Variants in PIK3C2G observed in about 807,000 individuals in gnomAD.
PIK3C2G encodes the protein phosphatidylinositol-4-phosphate 3-kinase catalytic subunit type 2 gamma.
In PIK3C2G, 168 loss-of-function variants were observed where a neutral mutation model predicts 181.1. The ratio of observed to expected loss-of-function variants is 0.93; its 90% CI spans 0.82 to 1.05. The LOEUF (loss-of-function observed/expected upper bound fraction) is 1.05, where lower values mean the gene tolerates loss of function less well. Among genes scored for constraint, PIK3C2G ranks in the 50% least tolerant of loss-of-function variants. The probability of loss-of-function intolerance (pLI) is 0.00; values close to 1 mark genes in which losing one functional copy is unlikely to be tolerated. For missense variants in PIK3C2G, 1,869 were observed against 1,732.8 expected (o/e 1.08, Z -1.40); for synonymous variants, 573 against 592.2 (o/e 0.97, Z 0.47).
At chr12:18,665,787 T>C in the PIK3C2G span, among the ~76,000 whole-genome samples, 33 of 151,888 alleles carry the variant, frequency 2.2e-4, no homozygotes, top group Non-Finnish European at 4.1e-4. Context: ...TACAAAAAAT[T>C]AGCCAGGCGT....
chr12:18,300,860 C>T (rs1441998811), intron 5 of PIK3C2G, among the ~76,000 whole-genome samples: 1 of 151,978 alleles, frequency 6.6e-6, no homozygotes, highest in African/African-American at 2.4e-5. Flanking sequence ...GTAGGCTTTC[C>T]TTAAGCATTT....
intron 29 of PIK3C2G, among the ~76,000 whole-genome samples, chr12:18,567,565 A>G (rs1434137769): frequency 6.6e-6 from 1 of 151,940 alleles, no homozygotes; most frequent in East Asian, 1.9e-4. Flanking sequence ...TAAATGGACT[A>G]TCAGTGCCGT....
chr12:18,577,161 T>C (rs922422730), intron 29 of PIK3C2G, among the ~76,000 whole-genome samples: 2 of 152,080 alleles, frequency 1.3e-5, no homozygotes, highest in Non-Finnish European at 2.9e-5. Flanking sequence ...TGGGTTAAGA[T>C]AGAAGTATTA....
At chr12:18,393,762 G>C (rs1262984341) in intron 15 of PIK3C2G, among the ~76,000 whole-genome samples, 1 of 152,094 alleles carries the variant, frequency 6.6e-6, no homozygotes, top group Non-Finnish European at 1.5e-5. Context: ...TAAGCCTTGG[G>C]ATTAAAGTGG....
At chr12:18,405,351 G>A (rs1031062874) in intron 16 of PIK3C2G, among the ~76,000 whole-genome samples, 2 of 152,090 alleles carry the variant, frequency 1.3e-5, no homozygotes, top group Admixed American at 1.3e-4. Context: ...TAGAGAGGAA[G>A]TATAGAAAGA....
At chr12:18,532,594 C>A (rs1247553887) in intron 24 of PIK3C2G, among the ~76,000 whole-genome samples, 2 of 151,270 alleles carry the variant, frequency 1.3e-5, no homozygotes, top group African/African-American at 4.9e-5. Context: ...CACTGAATTA[C>A]TTTTACAACT....
the PIK3C2G span, among the ~76,000 whole-genome samples, chr12:18,711,728 A>G: frequency 6.6e-6 from 1 of 151,966 alleles, no homozygotes; most frequent in Non-Finnish European, 1.5e-5. Context: ...AGGGAGCTCA[A>G]TTTTAAACAT....
chr12:18,346,599 T>C (rs1183666506), intron 10 of PIK3C2G, 42 bp from the exon 11 acceptor site: 3 of 1,147,014 alleles, frequency 2.6e-6, no homozygotes, highest in Non-Finnish European at 2.6e-6. Flanking sequence ...ATGATAAATA[T>C]GGCCCTTCTT....
At chr12:18,699,779 G>A in the PIK3C2G span, 3 of 1,608,572 alleles carry the variant, frequency 1.9e-6, no homozygotes, top group Non-Finnish European at 2.6e-6. Flanking sequence ...ATCTATTTGA[G>A]TCACAAAAAT....
intron 25 of PIK3C2G, among the ~76,000 whole-genome samples, chr12:18,541,964 A>AT (rs1944175866): frequency 1.3e-5 from 2 of 151,854 alleles, no homozygotes; most frequent in African/African-American, 4.8e-5. Flanking sequence ...GGAGAGAACT[A>AT]TTATAGGTTC....
chr12:18,368,483 G>A (rs1022342582), intron 12 of PIK3C2G, among the ~76,000 whole-genome samples: 8 of 152,088 alleles, frequency 5.3e-5, no homozygotes, highest in Non-Finnish European at 8.8e-5. Context: ...CATCCTATCC[G>A]CAGACAGTTT....
intron 24 of PIK3C2G, among the ~76,000 whole-genome samples, chr12:18,511,374 C>G (rs765103202): frequency 1.9e-4 from 29 of 152,112 alleles, no homozygotes; most frequent in Middle Eastern, 3.4e-3. Flanking sequence ...TACGGTAGTT[C>G]TATTTTTAGT....
chr12:18,526,560 T>C (rs1223297881), intron 24 of PIK3C2G, among the ~76,000 whole-genome samples: 2 of 152,212 alleles, frequency 1.3e-5, no homozygotes, highest in African/African-American at 4.8e-5. Flanking sequence ...ACGATTTTTC[T>C]AAATATAAAT....
At chr12:18,257,729 G>GGAAA (rs1948160098), upstream of PIK3C2G, among the ~76,000 whole-genome samples, 3 of 148,404 alleles carry the variant, frequency 2.0e-5, no homozygotes, top group Non-Finnish European at 4.5e-5. Context: ...GTGGAAGGAA[G>GGAAA]GAGGGAGGGA....
intron 24 of PIK3C2G, among the ~76,000 whole-genome samples, chr12:18,522,508 T>C (rs1298740823): frequency 6.6e-6 from 1 of 151,834 alleles, no homozygotes; most frequent in Non-Finnish European, 1.5e-5. Flanking sequence ...AGGTAAAGTA[T>C]TCTTGTTGGC....
At chr12:18,650,843 C>T (rs1236922031), downstream of PIK3C2G, among the ~76,000 whole-genome samples, 1 of 149,702 alleles carries the variant, frequency 6.7e-6, no homozygotes, top group Non-Finnish European at 1.5e-5. Flanking sequence ...TTATCACTCT[C>T]CACCTGAAAA....
chr12:18,709,058 C>G, the PIK3C2G span, among the ~76,000 whole-genome samples: 1 of 152,050 alleles, frequency 6.6e-6, no homozygotes, highest in Non-Finnish European at 1.5e-5. Context: ...GTGATCTGAG[C>G]TTTTGATGTA....
intron 18 of PIK3C2G, among the ~76,000 whole-genome samples, chr12:18,444,049 T>C (rs1259035579): frequency 6.6e-6 from 1 of 152,212 alleles, no homozygotes; most frequent in Non-Finnish European, 1.5e-5. Flanking sequence ...TTCTTGTCAA[T>C]CAGAGAGTGC....
intron 30 of PIK3C2G, among the ~76,000 whole-genome samples, chr12:18,595,391 T>A (rs77974997): frequency 0.016 from 2,385 of 152,148 alleles, 66 homozygotes; most frequent in African/African-American, 0.054. Context: ...AGGAAAACAT[T>A]AAGCAAAAAA....
Sources: allele counts gnomAD v4.1 joint callset (sites outside exome capture counted in the v4.1 genomes callset), GRCh38; gene constraint gnomAD v4.1.1; transcripts MANE v1.5; gene names NCBI Gene and HGNC (gene_info 2026-07-23, HGNC 2026-07-21).